Variants in SLC38A8 observed in about 807,000 individuals in gnomAD.
SLC38A8 encodes solute carrier family 38 member 8, also known as amino acid transporter SLC38A8.
Under a neutral mutation model 46.0 loss-of-function variants are expected in SLC38A8, and 65 were observed. That is an observed-to-expected ratio of 1.41 (90% CI 1.16 to 1.74). The LOEUF (loss-of-function observed/expected upper bound fraction) is 1.74, where lower values mean the gene tolerates loss of function less well. SLC38A8 is among the 40% of genes most tolerant of loss of function. SLC38A8 has a pLI of 0.00. For synonymous variants in SLC38A8, 447 were observed against 243.7 expected (o/e 1.83, Z -7.77); for missense variants, 998 against 567.9 (o/e 1.76, Z -7.70).
chr16:84,028,929 T>A (rs537574561), intron 6 of SLC38A8, among the ~76,000 whole-genome samples: 2 of 152,082 alleles, frequency 1.3e-5, no homozygotes, highest in African/African-American at 4.8e-5. Flanking sequence ...CTGCCAGGAT[T>A]CTACACATAT....
At chr16:84,011,165 G>A (rs1286435438) in intron 10 of SLC38A8, among the ~76,000 whole-genome samples, 4 of 152,236 alleles carry the variant, frequency 2.6e-5, no homozygotes, top group African/African-American at 9.6e-5. Context: ...GGGACTGTGA[G>A]GCTAATGTGC....
intron 7 of SLC38A8, among the ~76,000 whole-genome samples, chr16:84,019,640 A>G (rs924320871): frequency 6.6e-6 from 1 of 152,198 alleles, no homozygotes. Flanking sequence ...CCCCATGGTT[A>G]TTCCAACCCC....
chr16:84,020,470 G>A lies in SLC38A8; in HGVS notation c.805+2305C>T, dbSNP rs553488510. On this transcript the variant is annotated intron_variant, in intron 7 of 10. Coordinates refer to ENST00000299709, the MANE Select transcript of SLC38A8 (RefSeq NM_001080442.3). The stretch of plus-strand genomic sequence containing the variant: ...GCCTGAAGAACATCTTTTGAAATCT[G>A]GGTGGAGGCTGCCAAGCTTCTGTAG... Among the ~76,000 whole-genome samples the A allele has an allele frequency of 2.8e-4, 43 of 152,312 alleles. No homozygotes were observed. The South Asian group carries it at 7.2e-3, about 26-fold the overall frequency.
chr16:84,017,815 GAGAT>G (rs2085048186), intron 7 of SLC38A8, among the ~76,000 whole-genome samples: 1 of 152,180 alleles, frequency 6.6e-6, no homozygotes, highest in South Asian at 2.1e-4. Context: ...CCTGTCCTGA[GAGAT>G]AGGTCTCTAA....
intron 10 of SLC38A8, among the ~76,000 whole-genome samples, chr16:84,011,850 C>T (rs11862917): frequency 0.12 from 18,814 of 152,076 alleles, 2,472 homozygotes; most frequent in African/African-American, 0.34. Context: ...CGCCACTGCA[C>T]TCCAGCCGGA....
intron 1 of SLC38A8, 107 bp downstream of exon 1, chr16:84,042,444 C>T (rs970098798): frequency 6.1e-6 from 2 of 328,418 alleles, no homozygotes; most frequent in Admixed American, 4.6e-5. Flanking sequence ...CTCCCAAACC[C>T]CCAACCTTCC....
intron 6 of SLC38A8, among the ~76,000 whole-genome samples, chr16:84,028,737 C>T (rs1244473802): frequency 1.3e-5 from 2 of 149,938 alleles, no homozygotes; most frequent in African/African-American, 4.9e-5. Flanking sequence ...ACAGAGCCCT[C>T]TGCAGGTCTC....
chr16:84,033,224 G>T, intron 4 of SLC38A8, 104 bp downstream of exon 4: 1 of 1,491,868 alleles, frequency 6.7e-7, no homozygotes, highest in Non-Finnish European at 9.1e-7. Flanking sequence ...TTCTCCAAAT[G>T]TGAAGGCCAA....
chr16:84,016,162 T>G (rs1030348798), intron 9 of SLC38A8, among the ~76,000 whole-genome samples: 3 of 152,116 alleles, frequency 2.0e-5, no homozygotes, highest in Non-Finnish European at 2.9e-5. Context: ...AACCATCAGA[T>G]CTCATGAGAC....
intron 3 of SLC38A8, among the ~76,000 whole-genome samples, chr16:84,036,272 T>A (rs143835871): frequency 6.6e-6 from 1 of 152,188 alleles, no homozygotes; most frequent in Non-Finnish European, 1.5e-5. Context: ...ATAGGACATA[T>A]GAAAATTGGC....
chr16:84,036,103 A>G (rs112166269), intron 3 of SLC38A8, among the ~76,000 whole-genome samples: 2 of 152,238 alleles, frequency 1.3e-5, no homozygotes, highest in Non-Finnish European at 2.9e-5. Flanking sequence ...CCATGATGCA[A>G]ATTAAGGTCG....
In SLC38A8 at chr16:84,038,666, T is replaced by G. The variant is rs550195520; in HGVS notation, c.190-1766A>C. ...TACAATGCACATGTGCCAGCCAAAC[T>G]GCTACCCACAGGCGGAACATCGCCA... On this transcript the variant is annotated intron_variant, in intron 2 of 10. Transcript: ENST00000299709. Among the ~76,000 whole-genome samples the G allele has an allele frequency of 3.3e-5, 5 of 152,340 alleles. No homozygotes were observed. In the South Asian group the frequency reaches 6.2e-4, roughly 19 times the overall value.
chr16:84,022,992 G>C (rs1194671759), intron 6 of SLC38A8, 103 bp from the exon 7 acceptor site: 4 of 760,352 alleles, frequency 5.3e-6, no homozygotes, highest in Non-Finnish European at 8.3e-6. Flanking sequence ...GATATGATGA[G>C]GTTTCTCTTG....
intron 3 of SLC38A8, among the ~76,000 whole-genome samples, chr16:84,035,205 G>C (rs1161896601): frequency 1.3e-5 from 2 of 152,210 alleles, no homozygotes; most frequent in South Asian, 2.1e-4. Flanking sequence ...CAGTGGAGTT[G>C]AAACTGCAGA....
At chr16:84,034,853 G>C (rs1368156027) in intron 3 of SLC38A8, among the ~76,000 whole-genome samples, 2 of 151,922 alleles carry the variant, frequency 1.3e-5, no homozygotes, top group Non-Finnish European at 2.9e-5. Flanking sequence ...CCATAGCCAG[G>C]ATCCTCAGGG....
At chr16:84,039,241 C>T (rs1164746726) in intron 2 of SLC38A8, among the ~76,000 whole-genome samples, 3 of 152,176 alleles carry the variant, frequency 2.0e-5, no homozygotes, top group African/African-American at 4.8e-5. Flanking sequence ...TGAGAGAATA[C>T]ATTTCCAGTG....
In SLC38A8 at chr16:84,022,886, G is replaced by T; in HGVS notation, c.694C>A (p.His232Asn). 1 of 1,589,738 alleles carries T rather than the reference G, an allele frequency of 6.3e-7. No individual in the cohort carries two copies. Among genetic ancestry groups the T allele is most frequent in the East Asian group, 2.3e-5 (1 of 43,818 alleles). ...FPTICFGFQC[H>N]EAAVSIYCSM... The stretch of plus-strand genomic sequence containing the variant: ...CAGTAGATGGAGACGGCAGCTTCGT[G>T]ACACTGTAAGACAGAGGGCGGCTCA... The change falls in exon 7 of 11, where the codon CAC becomes AAC. Residue 232 changes from histidine to asparagine, a missense_variant. Transcript: ENST00000299709.
Position 84,013,097 on chromosome 16 carries a change from C to G in SLC38A8, c.1163-45G>C, listed in dbSNP as rs1157079377. The G allele has an allele frequency of 3.1e-6, 5 of 1,611,368 alleles. No homozygotes were observed. The South Asian group carries it at 4.4e-5, about 14-fold the overall frequency. On this transcript the variant is annotated intron_variant, in intron 9 of 10. Transcript: ENST00000299709. ...ACCCACAGTTCTTCGTTATCAAACCCAAAGCAACAAAAAGGTCCCGGGAGA... is the reference window on the plus strand; with the variant it reads ...ACCCACAGTTCTTCGTTATCAAACCGAAAGCAACAAAAAGGTCCCGGGAGA...
intron 6 of SLC38A8, among the ~76,000 whole-genome samples, chr16:84,023,979 G>C (rs996801310): frequency 6.6e-6 from 1 of 152,176 alleles, no homozygotes; most frequent in African/African-American, 2.4e-5. Context: ...CTACACCAGG[G>C]TTTCTCAGCC....
Sources: gnomAD v4.1 joint callset for allele counts (sites outside exome capture counted in the v4.1 genomes callset) on GRCh38, gnomAD v4.1.1 for gene constraint, MANE v1.5 for transcripts, NCBI Gene and HGNC (gene_info 2026-07-23, HGNC 2026-07-21) for gene names.